CDH13: variants seen among roughly 807,000 people sequenced by gnomAD.
CDH13 encodes cadherin 13.
In CDH13, 24 loss-of-function variants were observed where a neutral mutation model predicts 63.8. That is an observed-to-expected ratio of 0.38 (90% confidence interval 0.27 to 0.53). The LOEUF (loss-of-function observed/expected upper bound fraction) is 0.53, where lower values mean the gene tolerates loss of function less well. CDH13 is among the 20% of genes least tolerant of loss of function. The pLI, the probability that CDH13 is intolerant of heterozygous loss-of-function variation, is 0.85. For missense variants in CDH13, 1,049 were observed against 903.1 expected (o/e 1.16, Z -2.07); for synonymous variants, 503 against 355.3 (o/e 1.42, Z -4.67).
chr16:83,280,392 A>T (rs1478683522), intron 5 of CDH13, among the ~76,000 whole-genome samples: 2 of 152,178 alleles, frequency 1.3e-5, no homozygotes, highest in African/African-American at 2.4e-5. Flanking sequence ...ATGTTTTATG[A>T]TGAGATGGCA....
At chr16:83,283,499 G>A (rs999568123) in intron 5 of CDH13, among the ~76,000 whole-genome samples, 1 of 152,164 alleles carries the variant, frequency 6.6e-6, no homozygotes, top group Admixed American at 6.5e-5. Context: ...GCTGAGACAT[G>A]AGAATCACTT....
intron 2 of CDH13, among the ~76,000 whole-genome samples, chr16:82,929,823 T>G (rs2042427675): frequency 6.6e-6 from 1 of 151,904 alleles, no homozygotes. Flanking sequence ...TCATATCCTG[T>G]TACAGCATCC....
chr16:83,004,175 A>G (rs1028624800), intron 2 of CDH13, among the ~76,000 whole-genome samples: 6 of 152,192 alleles, frequency 3.9e-5, no homozygotes, highest in African/African-American at 1.4e-4. Flanking sequence ...GCTGAATCCC[A>G]TTCCTTATAC....
intron 8 of CDH13, among the ~76,000 whole-genome samples, chr16:83,610,416 T>A (rs897702678): frequency 2.0e-5 from 3 of 152,226 alleles, no homozygotes; most frequent in African/African-American, 7.2e-5. Context: ...TCCTGAGTGA[T>A]TTAATTCTCA....
chr16:82,824,817 C>G (rs1366818880), intron 1 of CDH13: 4 of 152,298 alleles, frequency 2.6e-5, no homozygotes, highest in South Asian at 2.1e-4. Context: ...TAAAAATAGA[C>G]TGCAAAAAAA....
rs530122419 is a variant in CDH13, at chr16:83,348,344, T to C, written c.781+3338T>C. ...TTAGATCCTCACAGAAAATGACTAG[T>C]TCTTCGGATGAAATAGCCAGGCCCA... On this transcript the variant is annotated intron_variant, in intron 6 of 13. Transcript: ENST00000567109. Among the ~76,000 whole-genome samples the C allele has an allele frequency of 8.5e-5, 13 of 152,334 alleles. No homozygotes were observed. The South Asian group carries it at 2.3e-3, about 27-fold the overall frequency.
intron 1 of CDH13, among the ~76,000 whole-genome samples, chr16:82,782,868 A>T (rs139545953): frequency 6.6e-6 from 1 of 152,084 alleles, no homozygotes; most frequent in Non-Finnish European, 1.5e-5. Context: ...GGCCTGGGCG[A>T]GGTCTTTATG....
chr16:82,943,721 G>T (rs1007375713), intron 2 of CDH13, among the ~76,000 whole-genome samples: 1 of 152,206 alleles, frequency 6.6e-6, no homozygotes, highest in East Asian at 1.9e-4. Context: ...CCTTCAGGCT[G>T]TATCAATTGA....
intron 13 of CDH13, among the ~76,000 whole-genome samples, chr16:83,791,201 T>A (rs796619906): frequency 6.6e-6 from 1 of 152,034 alleles, no homozygotes; most frequent in East Asian, 1.9e-4. Context: ...AAAATTAACA[T>A]TAAATAAAAT....
At chr16:82,649,701 G>T (rs1402611953) in intron 1 of CDH13, among the ~76,000 whole-genome samples, 1 of 152,068 alleles carries the variant, frequency 6.6e-6, no homozygotes, top group Admixed American at 6.6e-5. Context: ...AAAATGATGG[G>T]GAAGGGAGAG....
intron 1 of CDH13, among the ~76,000 whole-genome samples, chr16:82,843,016 A>T (rs1211748818): frequency 6.6e-6 from 1 of 152,160 alleles, no homozygotes; most frequent in Non-Finnish European, 1.5e-5. Context: ...TGGGCCCGCC[A>T]CTCACCTCTT....
intron 10 of CDH13, among the ~76,000 whole-genome samples, chr16:83,733,170 C>T (rs1567559462): frequency 6.6e-6 from 1 of 152,198 alleles, no homozygotes; most frequent in African/African-American, 2.4e-5. Flanking sequence ...GAAATCAGTA[C>T]ACAGGGCTGG....
At chr16:82,698,539 G>T (rs531357396) in intron 1 of CDH13, among the ~76,000 whole-genome samples, 1 of 152,348 alleles carries the variant, frequency 6.6e-6, no homozygotes, top group Admixed American at 6.5e-5. Flanking sequence ...GGTGGGCTTT[G>T]CTCCGTGACT....
chr16:82,818,962 G>C (rs2037864371), intron 1 of CDH13, among the ~76,000 whole-genome samples: 1 of 152,190 alleles, frequency 6.6e-6, no homozygotes, highest in Non-Finnish European at 1.5e-5. Flanking sequence ...TTGAGGATCA[G>C]TAATCATAAA....
chr16:82,742,762 A>G (rs1435788642), intron 1 of CDH13, among the ~76,000 whole-genome samples: 3 of 152,210 alleles, frequency 2.0e-5, no homozygotes, highest in Non-Finnish European at 2.9e-5. Context: ...AGTAATTTAA[A>G]TTATATCACA....
intron 7 of CDH13, among the ~76,000 whole-genome samples, chr16:83,506,086 G>T (rs983550242): frequency 6.6e-6 from 1 of 152,200 alleles, no homozygotes; most frequent in Non-Finnish European, 1.5e-5. Context: ...ATGGTTTGCT[G>T]TTCCACTCAT....
At chr16:83,596,572 G>T (rs1428635076) in intron 7 of CDH13, among the ~76,000 whole-genome samples, 1 of 152,108 alleles carries the variant, frequency 6.6e-6, no homozygotes, top group Non-Finnish European at 1.5e-5. Flanking sequence ...AGTAACAAAT[G>T]CAGAGTGGCC....
chr16:82,864,445 A>G (rs913815807), intron 2 of CDH13, among the ~76,000 whole-genome samples: 2 of 152,174 alleles, frequency 1.3e-5, no homozygotes, highest in African/African-American at 4.8e-5. Flanking sequence ...GGAAGCTTAC[A>G]ATCATGGCAG....
chr16:83,450,569 G>A (rs969328621), intron 6 of CDH13, among the ~76,000 whole-genome samples: 3 of 152,272 alleles, frequency 2.0e-5, no homozygotes, highest in African/African-American at 7.2e-5. Flanking sequence ...ATCAAGTTGT[G>A]TGTTAAATTT....
Sources: allele counts gnomAD v4.1 joint callset (sites outside exome capture counted in the v4.1 genomes callset), GRCh38; gene constraint gnomAD v4.1.1; transcripts MANE v1.5; gene names NCBI Gene and HGNC (gene_info 2026-07-23, HGNC 2026-07-21).